The following CDH2 variants were observed in gnomAD, a reference collection of about 807,000 sequenced individuals.
CDH2 encodes cadherin-2.
Under a neutral mutation model 92.0 loss-of-function variants are expected in CDH2, and 17 were observed. The observed-to-expected ratio is 0.18, with a 90% CI of 0.13 to 0.28. The LOEUF (loss-of-function observed/expected upper bound fraction) is 0.28, where lower values mean the gene tolerates loss of function less well. Among genes scored for constraint, CDH2 ranks in the 10% least tolerant of loss-of-function variants. The probability of loss-of-function intolerance (pLI) is 1.00; values close to 1 mark genes in which losing one functional copy is unlikely to be tolerated. For synonymous variants in CDH2, 419 were observed against 415.9 expected, an observed-to-expected ratio of 1.01 and a Z score of -0.09; for missense variants, 862 against 1,133.1, an observed-to-expected ratio of 0.76 and a Z score of 3.44.
chr18:28,142,714 G>A (rs554120018), intron 2 of CDH2, among the ~76,000 whole-genome samples: 3 of 151,974 alleles, frequency 2.0e-5, no homozygotes, highest in East Asian at 1.9e-4. Context: ...GTTGGAAATC[G>A]TAAAGTGCAA....
intron 2 of CDH2, among the ~76,000 whole-genome samples, chr18:28,073,999 A>C (rs1249938148): frequency 2.0e-5 from 3 of 152,142 alleles, no homozygotes; most frequent in Non-Finnish European, 2.9e-5. Context: ...AGGTGGTGGG[A>C]AGCAGGAAGA....
chr18:28,078,779 T>C (rs1170009134), intron 2 of CDH2, among the ~76,000 whole-genome samples: 1 of 152,090 alleles, frequency 6.6e-6, no homozygotes, highest in Non-Finnish European at 1.5e-5. Flanking sequence ...TCTATACTCC[T>C]CGCCCCAGCA....
intron 2 of CDH2, among the ~76,000 whole-genome samples, chr18:28,087,650 G>A (rs1012026780): frequency 1.3e-5 from 2 of 151,934 alleles, no homozygotes; most frequent in Non-Finnish European, 2.9e-5. Flanking sequence ...CCTTTGATAG[G>A]ATATTGTTAT....
intron 2 of CDH2, among the ~76,000 whole-genome samples, chr18:28,099,165 A>G (rs1189744993): frequency 1.3e-5 from 2 of 152,304 alleles, no homozygotes; most frequent in Admixed American, 1.3e-4. Flanking sequence ...ATATTTACTA[A>G]CTTTTGAATT....
At chr18:28,115,511 C>A (rs1419266862) in intron 2 of CDH2, among the ~76,000 whole-genome samples, 1 of 152,156 alleles carries the variant, frequency 6.6e-6, no homozygotes, top group East Asian at 1.9e-4. Flanking sequence ...TGGCTGGTGA[C>A]AAAGCTTCCA....
At chr18:27,969,188 T>G (rs2011600235) in intron 14 of CDH2, among the ~76,000 whole-genome samples, 1 of 152,198 alleles carries the variant, frequency 6.6e-6, no homozygotes, top group Non-Finnish European at 1.5e-5. Flanking sequence ...TGCTAAAAGC[T>G]TTTTCTGGAT....
At chr18:28,119,427 C>T (rs906373392) in intron 2 of CDH2, among the ~76,000 whole-genome samples, 2 of 151,976 alleles carry the variant, frequency 1.3e-5, no homozygotes, top group Non-Finnish European at 2.9e-5. Flanking sequence ...AAACAGATCT[C>T]CATCAGTAAT....
chr18:28,155,483 A>C (rs2016194142), intron 1 of CDH2, among the ~76,000 whole-genome samples: 1 of 152,184 alleles, frequency 6.6e-6, no homozygotes, highest in African/African-American at 2.4e-5. Context: ...ACCGTAAAGA[A>C]ATCAAGCCTG....
intron 2 of CDH2, 90 bp from the exon 3 acceptor site, chr18:28,013,999 G>A (rs1418465755): frequency 1.1e-5 from 9 of 822,892 alleles, no homozygotes; most frequent in African/African-American, 1.7e-5. Context: ...TCCTGCTTAG[G>A]TTAAAGGATA....
At chr18:27,980,912 A>G (rs2012028829) in intron 14 of CDH2, among the ~76,000 whole-genome samples, 1 of 152,110 alleles carries the variant, frequency 6.6e-6, no homozygotes, top group Non-Finnish European at 1.5e-5. Flanking sequence ...GATGAGTTTT[A>G]CCACTTAATC....
At chr18:28,174,416 C>A (rs1407195793) in intron 1 of CDH2, among the ~76,000 whole-genome samples, 1 of 152,150 alleles carries the variant, frequency 6.6e-6, no homozygotes, top group Non-Finnish European at 1.5e-5. Flanking sequence ...CCCTAAAACT[C>A]ATGTTGCGTA....
At chr18:28,147,642 G>A (rs1243620797) in intron 2 of CDH2, 31 bp downstream of exon 2, 2 of 1,308,132 alleles carry the variant, frequency 1.5e-6, no homozygotes, top group Non-Finnish European at 2.2e-6. Flanking sequence ...CATGGACACT[G>A]CATGTACAAA....
intron 1 of CDH2, among the ~76,000 whole-genome samples, chr18:28,164,248 C>T (rs943907109): frequency 1.3e-5 from 2 of 152,048 alleles, no homozygotes; most frequent in Non-Finnish European, 2.9e-5. Flanking sequence ...GCATTTAAAC[C>T]CCAGCTCCAA....
At chr18:28,057,068 A>G (rs2014306808) in intron 2 of CDH2, among the ~76,000 whole-genome samples, 1 of 152,152 alleles carries the variant, frequency 6.6e-6, no homozygotes, top group Admixed American at 6.5e-5. Context: ...GGACCATTTG[A>G]AGTCTTGTCA....
chr18:28,155,727 T>C (rs1274172970), intron 1 of CDH2, among the ~76,000 whole-genome samples: 1 of 152,238 alleles, frequency 6.6e-6, no homozygotes, highest in Non-Finnish European at 1.5e-5. Context: ...GTAATGACAC[T>C]GTTCGAGAAC....
At position 28,045,804 on chromosome 18, in the gene CDH2, C is replaced by T. The variant is rs566599796; in HGVS notation, c.173-31895G>A. Among the ~76,000 whole-genome samples the T allele has an allele frequency of 2.0e-5, 3 of 152,116 alleles. No homozygotes were observed. The South Asian group carries it at 6.2e-4, about 32-fold the overall frequency. ...AAGCTCTGGTGCTCAGCTCAGAGCC[C>T]GGCACAAAACAGGCTCTTGAGATCT... On this transcript the variant is annotated intron_variant, in intron 2 of 15. Transcript: ENST00000269141.
chr18:28,110,927 G>A (rs2015400698), intron 2 of CDH2, among the ~76,000 whole-genome samples: 1 of 152,056 alleles, frequency 6.6e-6, no homozygotes, highest in African/African-American at 2.4e-5. Flanking sequence ...TCCACTTCTA[G>A]ATCAAGCAGG....
chr18:28,106,766 AT>A (rs1351768745), intron 2 of CDH2, among the ~76,000 whole-genome samples: 8 of 152,336 alleles, frequency 5.3e-5, no homozygotes, highest in African/African-American at 1.9e-4. Context: ...AGTCTTTAAA[AT>A]AATGTATAAT....
At chr18:28,174,052 A>G (rs1385913090) in intron 1 of CDH2, among the ~76,000 whole-genome samples, 1 of 152,132 alleles carries the variant, frequency 6.6e-6, no homozygotes, top group Non-Finnish European at 1.5e-5. Context: ...AATCTACATA[A>G]CAAGACTAAC....
Sources: allele counts gnomAD v4.1 joint callset (sites outside exome capture counted in the v4.1 genomes callset), GRCh38; gene constraint gnomAD v4.1.1; transcripts MANE v1.5; gene names NCBI Gene and HGNC (gene_info 2026-07-23, HGNC 2026-07-21).